Variants in TXNDC11 observed in about 807,000 individuals in gnomAD.
TXNDC11 encodes the protein thioredoxin domain containing 11.
A neutral mutation model predicts 78.0 loss-of-function variants in TXNDC11; 68 were observed. That is an observed-to-expected ratio of 0.87 (90% CI 0.72 to 1.07). TXNDC11 has a LOEUF of 1.07. Ranked by LOEUF, TXNDC11 falls within the 50% of genes least tolerant of loss-of-function variation. The pLI, the probability that TXNDC11 is intolerant of heterozygous loss-of-function variation, is 0.00. For synonymous variants in TXNDC11, 571 were observed against 495.2 expected (o/e 1.15, Z -2.03); for missense variants, 1,389 against 1,221.8 (o/e 1.14, Z -2.04).
At chr16:11,717,094 C>T (rs1465501282) in intron 5 of TXNDC11, among the ~76,000 whole-genome samples, 2 of 148,006 alleles carry the variant, frequency 1.4e-5, no homozygotes, top group Admixed American at 6.7e-5. Flanking sequence ...CTAATATAGT[C>T]ATCAGATTTT....
At chr16:11,734,409 A>G (rs1302146080) in intron 2 of TXNDC11, among the ~76,000 whole-genome samples, 1 of 152,076 alleles carries the variant, frequency 6.6e-6, no homozygotes, top group Non-Finnish European at 1.5e-5. Flanking sequence ...ATTTGGAAGG[A>G]GCTGAAATTT....
Position 11,681,184 on chromosome 16 carries a change from C to A in TXNDC11, c.2235-1347G>T, listed in dbSNP as rs534954057. 4.4e-4 allele frequency among the ~76,000 whole-genome samples: 67 copies of A among 152,224 alleles called. 1 individual carries two copies. The highest frequency in any genetic ancestry group is 1.6e-3 in the African/African-American group (65 of 41,542). On this transcript the variant is annotated intron_variant, in intron 11 of 11. Transcript: ENST00000283033. ...CAGACCTTGTCTCAAAAACAGAAAA[C>A]CAAAAAACCCCACAACAACTGAAAA...
At position 11,736,030 on chromosome 16, in the gene TXNDC11, C is replaced by A. The variant is rs140374310; in HGVS notation, c.458G>T (p.Arg153Leu). 5 of 1,613,784 alleles carry A rather than the reference C, an allele frequency of 3.1e-6. No individual in the cohort carries two copies. In the African/African-American group the frequency reaches 5.3e-5, roughly 17 times the overall value. The change falls in exon 2 of 12, where the codon CGG (arginine) becomes CTG (leucine). Residue 153 changes from arginine (R) to leucine (L), a missense_variant. By Grantham distance (102) the Arg-to-Leu change is moderately radical (BLOSUM62 -2). Transcript: ENST00000283033. ...ARAEIEQAAS[R>L]LSDQVLFVAI... ...TGTGAGCATTACCTGATCTGAAAGC[C>A]GACTTGCTGCTTGCTCAATTTCTGC...
At chr16:11,713,572 A>C (rs1478294693) in intron 5 of TXNDC11, among the ~76,000 whole-genome samples, 8 of 151,864 alleles carry the variant, frequency 5.3e-5, no homozygotes, top group African/African-American at 1.7e-4. Flanking sequence ...ATGTGCCACC[A>C]TGCCTGCCTA....
chr16:11,685,148 G>C (rs757318663), intron 10 of TXNDC11, among the ~76,000 whole-genome samples: 1 of 152,226 alleles, frequency 6.6e-6, no homozygotes, highest in African/African-American at 2.4e-5. Context: ...TGGACTGTTT[G>C]AGCCCAGGAG....
chr16:11,735,442 C>G (rs1261827210), intron 2 of TXNDC11, among the ~76,000 whole-genome samples: 1 of 152,202 alleles, frequency 6.6e-6, no homozygotes, highest in East Asian at 1.9e-4. Flanking sequence ...ACTTTATCAT[C>G]TATGAATTCC....
intron 4 of TXNDC11, among the ~76,000 whole-genome samples, chr16:11,725,835 G>T (rs1020832064): frequency 1.3e-5 from 2 of 152,096 alleles, no homozygotes; most frequent in African/African-American, 4.8e-5. Flanking sequence ...TAACTTAAAG[G>T]CAAAACTGTT....
chr16:11,684,607 T>C (rs998103690), intron 10 of TXNDC11, among the ~76,000 whole-genome samples: 1 of 152,170 alleles, frequency 6.6e-6, no homozygotes, highest in African/African-American at 2.4e-5. Flanking sequence ...TTGAGCAAAA[T>C]ACATCAAGCC....
At chr16:11,707,693 C>T in intron 5 of TXNDC11, among the ~76,000 whole-genome samples, 1 of 151,988 alleles carries the variant, frequency 6.6e-6, no homozygotes, top group South Asian at 2.1e-4. Context: ...AAGTGATCTG[C>T]CTGCCTCAGC....
rs1205282116 is a variant in TXNDC11 at position 11,679,738 on chromosome 16, C to G, written c.2334G>C (p.Gln778His). 6.2e-7 allele frequency: 1 copy of G among 1,614,184 alleles called. No individual in the cohort carries two copies. Among genetic ancestry groups the G allele is most frequent in the Non-Finnish European group, 8.5e-7 (1 of 1,180,034 alleles). Residue 778 changes from glutamine (Q) to histidine (H), a missense_variant, in exon 12 of 12, where the codon CAG (glutamine) becomes CAC (histidine). Physicochemically the swap from Gln to His is conservative, Grantham distance 24 (BLOSUM62 0). Coordinates refer to ENST00000283033, the MANE Select transcript of TXNDC11 (RefSeq NM_015914.7). The surrounding 1 kb of genome is among the most constrained non-coding windows in gnomAD (Gnocchi z 4.6). ...CCTTGGTAGGAGAGTTAGCCACATT[C>G]TGGGGGCTGGAAGCAGGGTCTGAGT... is the stretch of plus-strand genomic sequence containing the variant. ...LHHSDPASSPQNVANSPTKEC... is the reference protein window; with the variant it reads ...LHHSDPASSPHNVANSPTKEC...
chr16:11,738,528 T>C (rs2052294360), intron 1 of TXNDC11, among the ~76,000 whole-genome samples: 1 of 152,106 alleles, frequency 6.6e-6, no homozygotes, highest in Non-Finnish European at 1.5e-5. Flanking sequence ...ATGTGAAAAA[T>C]TTAACAAGGT....
At chr16:11,724,655 C>T (rs1333891620) in intron 4 of TXNDC11, among the ~76,000 whole-genome samples, 1 of 152,104 alleles carries the variant, frequency 6.6e-6, no homozygotes, top group Non-Finnish European at 1.5e-5. Flanking sequence ...CCACAGTAAT[C>T]GACTTCATTT....
intron 1 of TXNDC11, 122 bp downstream of exon 1, chr16:11,742,355 C>T: frequency 4.0e-6 from 3 of 755,672 alleles, no homozygotes; most frequent in Non-Finnish European, 5.6e-6. Context: ...AGGGGTCAGC[C>T]GTCCTGGGCA....
At chr16:11,702,066 A>ATG (rs896587596) in intron 5 of TXNDC11, among the ~76,000 whole-genome samples, 13 of 137,162 alleles carry the variant, frequency 9.5e-5, no homozygotes, top group African/African-American at 3.3e-4. Context: ...ATGTGTGTGT[A>ATG]TGTGTGTGTG....
In TXNDC11 at chr16:11,742,474, C is replaced by A; in HGVS notation, c.254+3G>T. On this transcript the variant is annotated splice_donor_region_variant and intron_variant, in intron 1 of 11. Coordinates refer to ENST00000283033, the MANE Select transcript of TXNDC11 (RefSeq NM_015914.7). ...CGGGGCCCCAGGGTCCGGGCCGCCT[C>A]ACCTGCAGGTGAACTTGAGGGCGAG... 1 of 1,432,760 alleles carries A rather than the reference C, an allele frequency of 7.0e-7. No homozygotes were observed. The allele number at this position is 1,432,760 out of a possible 1,614,324, so 88.8% of individuals were successfully genotyped here.
chr16:11,718,093 C>T (rs2141079474), intron 5 of TXNDC11, among the ~76,000 whole-genome samples: 1 of 152,312 alleles, frequency 6.6e-6, no homozygotes, highest in Admixed American at 6.5e-5. Context: ...AGAACCCGAT[C>T]TTATAACCCA....
Position 11,679,166 on chromosome 16 carries a change from C to T in TXNDC11, c.*29G>A. On this transcript the variant is annotated 3_prime_UTR_variant, in exon 12 of 12. Transcript: ENST00000283033. This position sits in a 1 kb window ranked among gnomAD's most constrained non-coding sequence, Gnocchi z 4.6. Reference sequence around the variant, plus strand: ...ATATATTCCCAATGTACAATTTTCACCTCTGATTTCTTCATATCATTTAAA... The same window carrying T: ...ATATATTCCCAATGTACAATTTTCATCTCTGATTTCTTCATATCATTTAAA... 6.2e-7 allele frequency: 1 copy of T among 1,603,450 alleles called. No homozygotes were observed. The highest frequency in any genetic ancestry group is 1.7e-5 in the Admixed American group (1 of 57,942).
intron 5 of TXNDC11, among the ~76,000 whole-genome samples, chr16:11,702,196 G>A (rs780756899): frequency 2.0e-5 from 3 of 151,690 alleles, no homozygotes; most frequent in East Asian, 1.9e-4. Context: ...GTTGGAGAAC[G>A]AACATCAACA....
chr16:11,683,601 CAT>C (rs1408414484), intron 11 of TXNDC11, among the ~76,000 whole-genome samples: 3 of 152,268 alleles, frequency 2.0e-5, no homozygotes, highest in Non-Finnish European at 4.4e-5. Context: ...CTGCGTCCTC[CAT>C]ATGTTCATAC....
Sources: gnomAD v4.1 joint callset for allele counts (sites outside exome capture counted in the v4.1 genomes callset) on GRCh38, gnomAD v4.1.1 for gene constraint, Gnocchi (gnomAD v3.1) non-coding constraint, MANE v1.5 for transcripts, NCBI Gene and HGNC (gene_info 2026-07-23, HGNC 2026-07-21) for gene names.